MEGF8: variants seen among roughly 807,000 people sequenced by gnomAD.
MEGF8 encodes the protein multiple epidermal growth factor-like domains protein 8.
A neutral mutation model predicts 302.9 loss-of-function variants in MEGF8; 156 were observed. That is an observed-to-expected ratio of 0.52 (90% CI 0.45 to 0.59). The LOEUF is 0.59. Among genes scored for constraint, MEGF8 ranks in the 20% least tolerant of loss-of-function variants. The pLI, the probability that MEGF8 is intolerant of heterozygous loss-of-function variation, is 0.00. For missense variants in MEGF8, 3,345 were observed against 3,964.5 expected (o/e 0.84, Z 4.20); for synonymous variants, 1,621 against 1,660.5 (o/e 0.98, Z 0.58).
Position 42,358,975 on chromosome 19 carries a change from G to A in MEGF8, c.5343+21G>A. 2 of 1,603,486 alleles carry A rather than the reference G, an allele frequency of 1.2e-6. No individual in the cohort carries two copies. The highest frequency in any genetic ancestry group is 1.7e-6 in the Non-Finnish European group (2 of 1,175,510). ...AGGAGGTGAGATTTGAAGAGGGTTAGGATTGGGTGGGCTGGTAGGGGGGGA... is the reference window on the plus strand; with the variant it reads ...AGGAGGTGAGATTTGAAGAGGGTTAAGATTGGGTGGGCTGGTAGGGGGGGA... On this transcript the variant is annotated intron_variant, in intron 30 of 41. Coordinates refer to ENST00000251268, the MANE Select transcript of MEGF8 (RefSeq NM_001271938.2). This position sits in a 1 kb window ranked among gnomAD's most constrained non-coding sequence, Gnocchi z 4.4.
At position 42,368,768 on chromosome 19, in the gene MEGF8, G is replaced by C. The variant is rs1600073460; in HGVS notation, c.6482-75G>C. 1 of 1,569,654 alleles carries C rather than the reference G, an allele frequency of 6.4e-7. No homozygotes were observed. Among genetic ancestry groups the C allele is most frequent in the East Asian group, 2.2e-5 (1 of 44,590 alleles). On this transcript the variant is annotated intron_variant, in intron 36 of 41. Transcript: ENST00000251268. The surrounding 1 kb of genome is among the most constrained non-coding windows in gnomAD (Gnocchi z 4.9). ...AGACCCAGAGGTGGGGCTCAGAGGA[G>C]GCAGGAGGGAGGGCCTAGGCAACTG... is the stretch of plus-strand genomic sequence containing the variant.
At chr19:42,347,305 C>T (rs538545689) in intron 12 of MEGF8, among the ~76,000 whole-genome samples, 1 of 150,386 alleles carries the variant, frequency 6.6e-6, no homozygotes, top group African/African-American at 2.4e-5. Flanking sequence ...ACTTAAGAAA[C>T]ACTCTCATTC....
chr19:42,359,259 G>C lies in MEGF8; in HGVS notation c.5488+17G>C. The C allele has an allele frequency of 1.3e-6, 2 of 1,529,410 alleles. No individual in the cohort carries two copies. Among genetic ancestry groups the C allele is most frequent in the Non-Finnish European group, 1.8e-6 (2 of 1,136,636 alleles). The allele number at this position is 1,529,410 out of a possible 1,614,324, so 94.7% of individuals were successfully genotyped here. On this transcript the variant is annotated intron_variant, in intron 31 of 41. Transcript: ENST00000251268. The stretch of plus-strand genomic sequence containing the variant: ...ACCTCACCCGTAAGTCCCCATTGTG[G>C]CTCCCAGGAGGCTGAGGGACATCCA...
rs776406937 is a variant in MEGF8 at position 42,344,758 on chromosome 19, C to T, written c.2022C>T (p.Cys674=). Residue 674 remains cysteine, a synonymous_variant, in exon 12 of 42, where the codon TGC becomes TGT. Transcript: ENST00000251268. This position sits in a 1 kb window ranked among gnomAD's most constrained non-coding sequence, Gnocchi z 4.5. The part of the protein sequence containing the change: ...APVFVTSLEA[C]VTQSFLPGLH... ...TCTTCGTCACGTCCCTGGAGGCCTG[C>T]GTCACCCAGAGCTTCCTGCCTGGCC... 8.1e-6 allele frequency: 13 copies of T among 1,611,688 alleles called. No homozygotes were observed. Among genetic ancestry groups the T allele is most frequent in the African/African-American group, 6.7e-5 (5 of 74,828 alleles).
In MEGF8 at chr19:42,377,561, G is replaced by C. The variant is rs920871561; in HGVS notation, c.*786G>C. ...CCTAGCACTTTGAGAGGCCAAGGTG[G>C]GCTGATCACAAGGTCAAGAGTTCGT... On this transcript the variant is annotated 3_prime_UTR_variant, in exon 42 of 42. Coordinates refer to ENST00000251268, the MANE Select transcript of MEGF8 (RefSeq NM_001271938.2). 6.6e-6 allele frequency: 1 copy of C among 152,428 alleles called. No homozygotes were observed. Among genetic ancestry groups the C allele is most frequent in the Non-Finnish European group, 1.5e-5 (1 of 68,056 alleles). The allele number at this position is 152,428 out of a possible 1,614,324, so 9.4% of individuals were successfully genotyped here.
In MEGF8 at chr19:42,376,388, G is replaced by T; in HGVS notation, c.8151G>T (p.Pro2717=). ...CTGCCCCGGCCTCCGCCTGGAAGCC[G>T]GCTGGGCTCCCACCTCCCGCCTTCC... ...DPTAPASAWK[P]AGLPPPAFRR... is the part of the protein sequence containing the mutation. Residue 2717 remains proline, a synonymous_variant, in exon 42 of 42, where the codon CCG becomes CCT. Transcript: ENST00000251268. This position sits in a 1 kb window ranked among gnomAD's most constrained non-coding sequence, Gnocchi z 8.2. 1 of 1,613,072 alleles carries T rather than the reference G, an allele frequency of 6.2e-7. No individual in the cohort carries two copies. The highest frequency in any genetic ancestry group is 8.5e-7 in the Non-Finnish European group (1 of 1,179,766).
In MEGF8 at chr19:42,354,650, G is replaced by T; in HGVS notation, c.4074G>T (p.Ser1358=). The stretch of plus-strand genomic sequence containing the variant: ...TCCTGGACACTGGTGTTGTCCAGTC[G>T]GACCGCAGCCTCATAGCTGCCTTCT... The part of the protein sequence containing the change: ...PRFLDTGVVQ[S]DRSLIAAFCG... Residue 1358 remains serine, a synonymous_variant, in exon 23 of 42, where the codon TCG becomes TCT. Transcript: ENST00000251268. The surrounding 1 kb of genome is among the most constrained non-coding windows in gnomAD (Gnocchi z 4.3). 6.2e-7 allele frequency: 1 copy of T among 1,612,654 alleles called. No individual in the cohort carries two copies.
intron 8 of MEGF8, among the ~76,000 whole-genome samples, chr19:42,339,440 T>C (rs935023015): frequency 6.6e-6 from 1 of 152,196 alleles, no homozygotes; most frequent in Non-Finnish European, 1.5e-5. Flanking sequence ...CTCATTGTGG[T>C]TTTGATTTGC....
Position 42,344,523 on chromosome 19 carries a change from C to T in MEGF8, c.1871C>T (p.Pro624Leu). The change falls in exon 11 of 42, where the codon CCT becomes CTT. Residue 624 changes from proline to leucine, a missense_variant. Transcript: ENST00000251268. The surrounding 1 kb of genome is among the most constrained non-coding windows in gnomAD (Gnocchi z 4.5). The stretch of plus-strand genomic sequence containing the variant: ...CTGGCCTTCAGCAGCCCCACAGCCC[C>T]TCCACGGGGACCTGGCACCCTGGGC... Reference protein sequence around the residue: ...ACLAFSSPTAPPRGPGTLGWC... With the variant: ...ACLAFSSPTALPRGPGTLGWC... The T allele has an allele frequency of 6.3e-7, 1 of 1,599,958 alleles. No homozygotes were observed.
In MEGF8 at chr19:42,349,551, A is replaced by G. The variant is rs1016811969; in HGVS notation, c.2351A>G (p.Gln784Arg). 1.2e-6 allele frequency: 2 copies of G among 1,612,056 alleles called. No individual in the cohort carries two copies. Among genetic ancestry groups the G allele is most frequent in the Non-Finnish European group, 1.7e-6 (2 of 1,179,786 alleles). Residue 784 changes from glutamine to arginine, a missense_variant, in exon 14 of 42, where the codon CAG (glutamine) becomes CGG (arginine). Gln to Arg is a conservative substitution (Grantham distance 43, BLOSUM62 1). Coordinates refer to ENST00000251268, the MANE Select transcript of MEGF8 (RefSeq NM_001271938.2). ...CAGGAGAAGGAGACGCGGCGGCTGC[A>G]GCGCCCTGGGTCTGCTCGCCTCTTC... ...AHQEKETRRL[Q>R]RPGSARLFPL...
intron 12 of MEGF8, among the ~76,000 whole-genome samples, chr19:42,347,369 T>A (rs2147469335): frequency 6.7e-6 from 1 of 148,832 alleles, no homozygotes; most frequent in South Asian, 2.1e-4. Context: ...CAGGCTGGAG[T>A]GCAGTGGCAA....
At chr19:42,340,888 G>A (rs1207236236) in intron 8 of MEGF8, among the ~76,000 whole-genome samples, 3 of 149,616 alleles carry the variant, frequency 2.0e-5, no homozygotes, top group Admixed American at 6.7e-5. Flanking sequence ...GGCTGGTCTT[G>A]AAGTCCTGAC....
chr19:42,330,971 T>G (rs2039046829), intron 1 of MEGF8, among the ~76,000 whole-genome samples: 1 of 152,130 alleles, frequency 6.6e-6, no homozygotes, highest in African/African-American at 2.4e-5. Context: ...GACCTGGACT[T>G]TCTCCTAGGG....
At chr19:42,333,826 G>T in intron 2 of MEGF8, 58 bp downstream of exon 2, 1 of 1,594,852 alleles carries the variant, frequency 6.3e-7, no homozygotes, top group South Asian at 1.1e-5. Flanking sequence ...AGAAAGGAGG[G>T]ACAGAGAGTC....
chr19:42,360,424 C>T (rs1444608146), intron 31 of MEGF8, among the ~76,000 whole-genome samples: 1 of 150,998 alleles, frequency 6.6e-6, no homozygotes, highest in Non-Finnish European at 1.5e-5. Flanking sequence ...CAGCTCACTG[C>T]AACCTCAACC....
chr19:42,343,210 A>G (rs938716070), intron 8 of MEGF8, among the ~76,000 whole-genome samples: 6 of 152,204 alleles, frequency 3.9e-5, no homozygotes, highest in Non-Finnish European at 7.3e-5. Flanking sequence ...TCAGTAGTTG[A>G]TCCACGATTT....
In MEGF8 at chr19:42,362,442, G is replaced by A. The variant is rs762056701; in HGVS notation, c.5903G>A (p.Arg1968His). 6.2e-7 allele frequency: 1 copy of A among 1,613,996 alleles called. No individual in the cohort carries two copies. The highest frequency in any genetic ancestry group is 1.1e-5 in the South Asian group (1 of 91,090). ...TNCPEGACIG[R>H]NGSCTSENDC... ...TGCCCCGAAGGTGCTTGCATTGGAC[G>A]CAATGGGTCCTGCACCTCTGAGAAT... The change falls in exon 34 of 42, where the codon CGC (arginine) becomes CAC (histidine). Residue 1968 changes from arginine to histidine, a missense_variant. By Grantham distance (29) the Arg-to-His change is conservative. Coordinates refer to ENST00000251268, the MANE Select transcript of MEGF8 (RefSeq NM_001271938.2).
Position 42,370,374 on chromosome 19 carries a change from T to G in MEGF8, c.7005+15T>G. 2.7e-6 allele frequency: 4 copies of G among 1,478,470 alleles called. No individual in the cohort carries two copies. The highest frequency in any genetic ancestry group is 3.7e-6 in the Non-Finnish European group (4 of 1,080,264). The allele number at this position is 1,478,470 out of a possible 1,614,324, so 91.6% of individuals were successfully genotyped here. A position where few individuals can be genotyped will look rare whatever the true frequency, so the allele number is the denominator to read the frequency against. On this transcript the variant is annotated intron_variant, in intron 39 of 41. Transcript: ENST00000251268. ...ACCCAGAGGAGGTGAAAGAGAGGGG[T>G]CAGATGCCTGGGTCTGAGGGAGGAG...
chr19:42,344,626 G>A lies in MEGF8; in HGVS notation c.1933+41G>A. On this transcript the variant is annotated intron_variant, in intron 11 of 41. Coordinates refer to ENST00000251268, the MANE Select transcript of MEGF8 (RefSeq NM_001271938.2). The surrounding 1 kb of genome is among the most constrained non-coding windows in gnomAD (Gnocchi z 4.5). ...AGTGGGCCGGCAGGAGGGGGCCAGA[G>A]CACTCCACACTGACCCACCGGCCCC... 6.4e-7 allele frequency: 1 copy of A among 1,573,926 alleles called. No homozygotes were observed.
Sources: allele counts gnomAD v4.1 joint callset (sites outside exome capture counted in the v4.1 genomes callset), GRCh38; gene constraint gnomAD v4.1.1; non-coding constraint Gnocchi (gnomAD v3.1); transcripts MANE v1.5; gene names NCBI Gene and HGNC (gene_info 2026-07-23, HGNC 2026-07-21).